The following BLTP2 variants were observed in gnomAD, a reference collection of about 807,000 sequenced individuals.
BLTP2 encodes the protein U937-associated antigen.
the BLTP2 span, chr17:28,615,086 G>A: frequency 6.2e-6 from 10 of 1,613,570 alleles, no homozygotes; most frequent in South Asian, 7.7e-5. Flanking sequence ...GCCAAAGATG[G>A]ACTTCTTGCC....
At chr17:28,618,201 G>C in the BLTP2 span, among the ~76,000 whole-genome samples, 2 of 151,968 alleles carry the variant, frequency 1.3e-5, no homozygotes, top group African/African-American at 4.8e-5. Context: ...CCAGAGTGCT[G>C]GGATTACAGG....
chr17:28,633,721 C>T, the BLTP2 span: 1 of 1,613,944 alleles, frequency 6.2e-7, no homozygotes, highest in Non-Finnish European at 8.5e-7. Context: ...CCAGCATGGG[C>T]CCCACACCAC....
the BLTP2 span, among the ~76,000 whole-genome samples, chr17:28,627,968 ATTTTC>A: frequency 6.6e-6 from 1 of 151,566 alleles, no homozygotes; most frequent in Non-Finnish European, 1.5e-5. Flanking sequence ...TCCAACTCCC[ATTTTC>A]TTTTATTTCT....
chr17:28,628,969 G>A, the BLTP2 span, among the ~76,000 whole-genome samples: 3 of 151,796 alleles, frequency 2.0e-5, no homozygotes, highest in African/African-American at 4.8e-5. Context: ...GTGGTGGGGA[G>A]ACAGACCCTG....
chr17:28,617,048 A>G, the BLTP2 span: 2 of 1,420,758 alleles, frequency 1.4e-6, no homozygotes, highest in Non-Finnish European at 2.0e-6. Flanking sequence ...CCTTCCTGCC[A>G]TAAAGCAACC....
the BLTP2 span, chr17:28,632,849 C>T: frequency 1.0e-6 from 1 of 964,448 alleles, no homozygotes; most frequent in Admixed American, 2.7e-5. Flanking sequence ...TCTCCCCTCC[C>T]CTCCCCTCCC....
the BLTP2 span, chr17:28,623,891 G>C: frequency 6.2e-7 from 1 of 1,614,152 alleles, no homozygotes; most frequent in South Asian, 1.1e-5. Flanking sequence ...GCTGGATGGT[G>C]CTGGCACTGC....
the BLTP2 span, chr17:28,620,934 C>T: frequency 6.6e-7 from 1 of 1,504,800 alleles, no homozygotes; most frequent in East Asian, 2.3e-5. Flanking sequence ...AAGGAAATAA[C>T]TACTTTCACA....
At chr17:28,619,126 C>G in the BLTP2 span, among the ~76,000 whole-genome samples, 1 of 152,110 alleles carries the variant, frequency 6.6e-6, no homozygotes, top group African/African-American at 2.4e-5. Flanking sequence ...ATTTATTGCT[C>G]CTGACATTCT....
the BLTP2 span, chr17:28,632,895 C>G: frequency 1.4e-6 from 2 of 1,398,468 alleles, no homozygotes; most frequent in Non-Finnish European, 1.9e-6. Flanking sequence ...CATCCATGCC[C>G]GTCCTCCCAA....
At chr17:28,633,755 G>A in the BLTP2 span, 6 of 1,612,622 alleles carry the variant, frequency 3.7e-6, no homozygotes, top group Non-Finnish European at 5.1e-6. Flanking sequence ...ATTTCCGCTG[G>A]GGTAGAGGAA....
the BLTP2 span, chr17:28,624,283 T>C: frequency 1.2e-6 from 2 of 1,614,106 alleles, no homozygotes; most frequent in African/African-American, 1.3e-5. Context: ...ATGTCATCCG[T>C]CTGGCAGGCA....
At chr17:28,634,553 A>C in the BLTP2 span, 2 of 1,613,882 alleles carry the variant, frequency 1.2e-6, no homozygotes, top group Non-Finnish European at 1.7e-6. Context: ...AGCATTCGAC[A>C]CCACTGAATG....
chr17:28,615,131 A>T, the BLTP2 span: 1 of 1,614,070 alleles, frequency 6.2e-7, no homozygotes, highest in Non-Finnish European at 8.5e-7. Flanking sequence ...ACCAATGAGG[A>T]GCCGGGCTTT....
the BLTP2 span, chr17:28,637,694 C>T: frequency 2.9e-6 from 2 of 680,228 alleles, no homozygotes; most frequent in Non-Finnish European, 5.0e-6. Flanking sequence ...TTTTTGGAGA[C>T]AGAGTCTCGC....
the BLTP2 span, chr17:28,635,126 AAG>A: frequency 6.2e-7 from 1 of 1,613,870 alleles, no homozygotes; most frequent in Non-Finnish European, 8.5e-7. Context: ...ACTGAGCCGA[AAG>A]AGAGGAGCCA....
the BLTP2 span, chr17:28,643,285 T>G: frequency 6.2e-7 from 1 of 1,614,064 alleles, no homozygotes; most frequent in Non-Finnish European, 8.5e-7. Context: ...GATACGCACT[T>G]CTCCAAAGCA....
At chr17:28,632,128 T>C in the BLTP2 span, 1,934 of 1,614,238 alleles carry the variant, frequency 1.2e-3, 5 homozygotes, top group South Asian at 2.3e-3. Flanking sequence ...TTTCAGGTTA[T>C]TGAAGAGCTT....
chr17:28,640,427 C>T, the BLTP2 span: 1 of 940,418 alleles, frequency 1.1e-6, no homozygotes, highest in South Asian at 1.5e-5. Context: ...TTTTCCCACA[C>T]TACATGGATG....
Sources: allele counts gnomAD v4.1 joint callset (sites outside exome capture counted in the v4.1 genomes callset), GRCh38; gene constraint gnomAD v4.1.1; transcripts MANE v1.5; gene names NCBI Gene and HGNC (gene_info 2026-07-23, HGNC 2026-07-21).